Variants in PIK3CA observed in about 807,000 individuals in gnomAD.
PIK3CA encodes phosphatidylinositol-4,5-bisphosphate 3-kinase catalytic subunit alpha, also known as phosphatidylinositol 4,5-bisphosphate 3-kinase catalytic subunit alpha isoform.
Under a neutral mutation model 138.2 loss-of-function variants are expected in PIK3CA, and 27 were observed. The observed-to-expected ratio is 0.20, with a 90% CI of 0.14 to 0.27. The LOEUF (loss-of-function observed/expected upper bound fraction) is 0.27, where lower values mean the gene tolerates loss of function less well. Ranked by LOEUF, PIK3CA falls within the 10% of genes least tolerant of loss-of-function variation. The pLI is 1.00. For synonymous variants in PIK3CA, 358 were observed against 413.2 expected (o/e 0.87, Z 1.62); for missense variants, 544 against 1,277.4 (o/e 0.43, Z 8.75).
rs906150101 is a variant in PIK3CA, at chr3:179,162,677, C to A, written c.-77+14074C>A. 6.6e-5 allele frequency among the ~76,000 whole-genome samples: 10 copies of A among 152,062 alleles called. No individual in the cohort carries two copies. In the East Asian group the frequency reaches 7.7e-4, roughly 12 times the overall value. On this transcript the variant is annotated intron_variant, in intron 1 of 20. Coordinates refer to ENST00000263967, the MANE Select transcript of PIK3CA (RefSeq NM_006218.4). ...AATTGTTTAGAAAACGGGAAAAAAA[C>A]CCATTTAGAATAGTAACAGAAAATA...
chr3:179,190,311 C>CG (rs67264751), intron 1 of PIK3CA, among the ~76,000 whole-genome samples: 1 of 88,850 alleles, frequency 1.1e-5, no homozygotes, highest in Non-Finnish European at 3.1e-5. Flanking sequence ...TAGTGCACCC[C>CG]CCCCACCACC....
chr3:179,238,910 A>C lies in PIK3CA; in HGVS notation c.*4546A>C, dbSNP rs1560152205. On this transcript the variant is annotated 3_prime_UTR_variant, in exon 21 of 21. Coordinates refer to ENST00000263967, the MANE Select transcript of PIK3CA (RefSeq NM_006218.4). ...CAAGTTGGGATGTTAGTCTTTAAAT[A>C]AACTTCATGCACCTATTCCACTTAA... is the stretch of plus-strand genomic sequence containing the variant. 1 of 218,498 alleles carries C rather than the reference A, an allele frequency of 4.6e-6. No homozygotes were observed. 13.5% of individuals were successfully genotyped at this position (218,498 alleles called of 1,614,324 possible). A position where few individuals can be genotyped will look rare whatever the true frequency, so the allele number is the denominator to read the frequency against.
Position 179,230,150 on chromosome 3 carries a change from T to C in PIK3CA, c.2784+29T>C, listed in dbSNP as rs1234415832. 6.3e-7 allele frequency: 1 copy of C among 1,578,054 alleles called. No individual in the cohort carries two copies. The highest frequency in any genetic ancestry group is 1.7e-5 in the Admixed American group (1 of 59,682). ...ATGGTTTTCTCTGTTTAAAATGTTT[T>C]GGTGTTCTTAATTTATTCAAGACAT... On this transcript the variant is annotated intron_variant, in intron 19 of 20. Coordinates refer to ENST00000263967, the MANE Select transcript of PIK3CA (RefSeq NM_006218.4). This position sits in a 1 kb window ranked among gnomAD's most constrained non-coding sequence, Gnocchi z 5.4.
chr3:179,158,280 G>A, intron 1 of PIK3CA, among the ~76,000 whole-genome samples: 1 of 152,114 alleles, frequency 6.6e-6, no homozygotes, highest in East Asian at 1.9e-4. Flanking sequence ...AGGGAAGTTA[G>A]CATATGGATA....
chr3:179,202,828 T>G (rs1410600259), intron 4 of PIK3CA, among the ~76,000 whole-genome samples: 3 of 152,170 alleles, frequency 2.0e-5, no homozygotes, highest in Non-Finnish European at 4.4e-5. Flanking sequence ...CAGCAGCCTT[T>G]GGATGGGACA....
At chr3:179,160,454 C>T (rs373917582) in intron 1 of PIK3CA, among the ~76,000 whole-genome samples, 1 of 152,136 alleles carries the variant, frequency 6.6e-6, no homozygotes, top group South Asian at 2.1e-4. Flanking sequence ...ACAACATGGC[C>T]TCTAATACCC....
At chr3:179,224,668 G>A (rs764073023) in intron 15 of PIK3CA, 32 bp from the exon 16 acceptor site, 17 of 1,437,944 alleles carry the variant, frequency 1.2e-5, no homozygotes, top group Non-Finnish European at 1.6e-5. Flanking sequence ...ATAAAGCAAA[G>A]GTACCTAGTA....
At chr3:179,170,076 G>GCACACACACACA (rs60084117) in intron 1 of PIK3CA, among the ~76,000 whole-genome samples, 22 of 139,292 alleles carry the variant, frequency 1.6e-4, no homozygotes, top group African/African-American at 6.0e-4. Flanking sequence ...ACGCGCGCGC[G>GCACACACACACA]CACACACACA....
At chr3:179,224,531 G>GT (rs994230226) in intron 15 of PIK3CA, among the ~76,000 whole-genome samples, 169 bp from the exon 16 acceptor site, 3 of 151,620 alleles carry the variant, frequency 2.0e-5, no homozygotes, top group Non-Finnish European at 2.9e-5. Context: ...AAAACTTTTA[G>GT]TTTTTTTTAT....
chr3:179,204,998 G>T (rs1724519433), intron 6 of PIK3CA, among the ~76,000 whole-genome samples: 1 of 122,720 alleles, frequency 8.1e-6, no homozygotes. Flanking sequence ...TCCAGCCTGG[G>T]CAACAGAGCG....
chr3:179,157,549 C>T (rs1723168775), intron 1 of PIK3CA, among the ~76,000 whole-genome samples: 1 of 152,066 alleles, frequency 6.6e-6, no homozygotes, highest in South Asian at 2.1e-4. Context: ...TGCTAAAGCA[C>T]AGTTAAATGT....
chr3:179,210,965 T>C (rs989318313), intron 9 of PIK3CA, among the ~76,000 whole-genome samples: 25 of 152,228 alleles, frequency 1.6e-4, no homozygotes, highest in African/African-American at 6.0e-4. Flanking sequence ...ACTGGTCTAC[T>C]TATATGTGGA....
intron 1 of PIK3CA, among the ~76,000 whole-genome samples, chr3:179,150,203 T>TGTGTGTGTG (rs1560119425): frequency 8.2e-6 from 1 of 121,352 alleles, no homozygotes; most frequent in East Asian, 2.3e-4. Context: ...GTGTGTGTGT[T>TGTGTGTGTG]GGTATTTTGC....
intron 1 of PIK3CA, among the ~76,000 whole-genome samples, chr3:179,172,119 C>T (rs549872598): frequency 6.6e-6 from 1 of 151,882 alleles, no homozygotes; most frequent in Non-Finnish European, 1.5e-5. Context: ...ATATACCATA[C>T]TAATAAGATA....
chr3:179,236,310 G>T lies in PIK3CA; in HGVS notation c.*1946G>T, dbSNP rs556695988. ...TACTTCTGCAAACTGTCTTGCGATA[G>T]TTAAGCAGAATTTAAACTCTGTTTT... On this transcript the variant is annotated 3_prime_UTR_variant, in exon 21 of 21. Transcript: ENST00000263967. The T allele has an allele frequency of 4.3e-5, 9 of 209,176 alleles. No homozygotes were observed. Among genetic ancestry groups the T allele is most frequent in the South Asian group, 1.9e-4 (1 of 5,352 alleles). 13.0% of individuals were successfully genotyped at this position (209,176 alleles called of 1,614,324 possible).
At chr3:179,164,585 C>T (rs1267126443) in intron 1 of PIK3CA, among the ~76,000 whole-genome samples, 1 of 152,004 alleles carries the variant, frequency 6.6e-6, no homozygotes, top group Non-Finnish European at 1.5e-5. Context: ...TTGTGCTAAC[C>T]GGCTGGGCGT....
chr3:179,161,638 G>C (rs909634347), intron 1 of PIK3CA, among the ~76,000 whole-genome samples: 3 of 152,116 alleles, frequency 2.0e-5, no homozygotes, highest in Non-Finnish European at 4.4e-5. Flanking sequence ...TGGAGGTTGC[G>C]GTGAGCTGAG....
chr3:179,197,152 C>T (rs1724287632), intron 1 of PIK3CA, among the ~76,000 whole-genome samples: 1 of 152,124 alleles, frequency 6.6e-6, no homozygotes, highest in African/African-American at 2.4e-5. Context: ...GATTCTCCTG[C>T]TTCAGCCTCC....
intron 1 of PIK3CA, among the ~76,000 whole-genome samples, chr3:179,150,874 AGT>A (rs1181097190): frequency 3.9e-5 from 6 of 152,264 alleles, no homozygotes; most frequent in Non-Finnish European, 8.8e-5. Context: ...AGTTTTAAAC[AGT>A]TACGATTACC....
Sources: gnomAD v4.1 joint callset for allele counts (sites outside exome capture counted in the v4.1 genomes callset) on GRCh38, gnomAD v4.1.1 for gene constraint, Gnocchi (gnomAD v3.1) non-coding constraint, MANE v1.5 for transcripts, NCBI Gene and HGNC (gene_info 2026-07-23, HGNC 2026-07-21) for gene names.